HCN2: variants seen among roughly 807,000 people sequenced by gnomAD.
HCN2 encodes the protein potassium/sodium hyperpolarization-activated cyclic nucleotide-gated channel 2.
HCN2 carries 20 observed loss-of-function variants against 52.3 expected under a neutral mutation model. The observed-to-expected ratio is 0.38, with a 90% CI of 0.27 to 0.56. HCN2 has a LOEUF of 0.56. Among genes scored for constraint, HCN2 ranks in the 20% least tolerant of loss-of-function variants. The pLI, the probability that HCN2 is intolerant of heterozygous loss-of-function variation, is 0.71. For missense variants in HCN2, 981 were observed against 1,207.7 expected (o/e 0.81, Z 2.78); for synonymous variants, 694 against 537.0 (o/e 1.29, Z -4.04).
intron 4 of HCN2, among the ~76,000 whole-genome samples, chr19:608,849 C>A (rs1430617738): frequency 6.6e-6 from 1 of 152,160 alleles, no homozygotes; most frequent in African/African-American, 2.4e-5. Flanking sequence ...GCAAGGCTGC[C>A]CCACTGCTCA....
At chr19:608,203 G>T in intron 4 of HCN2, 21 bp downstream of exon 4, 1 of 1,606,824 alleles carries the variant, frequency 6.2e-7, no homozygotes, top group South Asian at 1.1e-5. Flanking sequence ...GGCGGGCCCC[G>T]GCCTGGGTTC....
chr19:616,769 G>A lies in HCN2; in HGVS notation c.*295G>A, dbSNP rs1239145216. On this transcript the variant is annotated 3_prime_UTR_variant, in exon 8 of 8. Transcript: ENST00000251287. ...TCAGTTCCCCCAGCTGTAAGACAGG[G>A]ACGGGGCGGCCCAGTGGCTGAGAGG... 4 of 207,916 alleles carry A rather than the reference G, an allele frequency of 1.9e-5. No homozygotes were observed. Among genetic ancestry groups the A allele is most frequent in the Admixed American group, 5.5e-5 (1 of 18,246 alleles). The allele number at this position is 207,916 out of a possible 1,614,324, so 12.9% of individuals were successfully genotyped here.
At chr19:604,390 C>G (rs1024475096) in intron 2 of HCN2, among the ~76,000 whole-genome samples, 1 of 143,170 alleles carries the variant, frequency 7.0e-6, no homozygotes, top group Non-Finnish European at 1.5e-5. Flanking sequence ...AGAGCCAAGA[C>G]AGCAGGGGTG....
rs372463895 is a variant in HCN2 at position 605,269 on chromosome 19, C to T, written c.1218+47C>T. On this transcript the variant is annotated intron_variant, in intron 3 of 7. Coordinates refer to ENST00000251287, the MANE Select transcript of HCN2 (RefSeq NM_001194.4). ...GGAGGGGGAGACGCAGGCTCCCATA[C>T]AGAGGGGGGACCCAGGCCCCCTTAT... 2.5e-4 allele frequency: 404 copies of T among 1,588,656 alleles called. 6 individuals carry two copies. The highest frequency in any genetic ancestry group is 3.4e-4 in the Non-Finnish European group (391 of 1,164,734).
rs778913100 is a variant in HCN2 at position 615,930 on chromosome 19, A to G, written c.2126A>G (p.Gln709Arg). 1.9e-6 allele frequency: 3 copies of G among 1,611,154 alleles called. No individual in the cohort carries two copies. Among genetic ancestry groups the G allele is most frequent in the African/African-American group, 2.7e-5 (2 of 75,016 alleles). Residue 709 changes from glutamine to arginine, a missense_variant, in exon 8 of 8, where the codon CAG (glutamine) becomes CGG (arginine). Around this residue, in one of 6 missense-constraint regions of HCN2, gnomAD observed 368 missense variants for 314.8 expected, o/e 1.17. Coordinates refer to ENST00000251287, the MANE Select transcript of HCN2 (RefSeq NM_001194.4). ...ATGGTGCAGCAGGCCGAGCTGGGTC[A>G]GCGCGTGGGCCTCTTCCCGCCGCCG... ...REMVQQAELG[Q>R]RVGLFPPPPP...
Position 615,884 on chromosome 19 carries a change from ATCG to A in HCN2, c.2083_2085del (p.Val695del), listed in dbSNP as rs1368265811. The stretch of plus-strand genomic sequence containing the variant: ...CCAGGAGAACGCCATCATCCAGGAG[ATCG>A]TCAAGTACGACCGCGAGATGGTGCA... On this transcript the variant is annotated inframe_deletion, in exon 8 of 8. Coordinates refer to ENST00000251287, the MANE Select transcript of HCN2 (RefSeq NM_001194.4). The A allele has an allele frequency of 1.9e-6, 3 of 1,612,776 alleles. No homozygotes were observed. Among genetic ancestry groups the A allele is most frequent in the East Asian group, 2.2e-5 (1 of 44,868 alleles).
chr19:615,716 C>A, intron 7 of HCN2, 79 bp from the exon 8 acceptor site: 8 of 1,413,456 alleles, frequency 5.7e-6, no homozygotes, highest in Non-Finnish European at 8.0e-6. Flanking sequence ...TGCGCACCCG[C>A]GGTGCAGAGT....
At chr19:597,754 CTGGTGGTTTCTAGGTCCCCCT>C (rs1476146132) in intron 1 of HCN2, among the ~76,000 whole-genome samples, 1 of 135,660 alleles carries the variant, frequency 7.4e-6, no homozygotes, top group African/African-American at 2.8e-5. Flanking sequence ...CTAGGTCCTC[CTGGTGGTTTCTAGGTCCCCCT>C]TGGTGGTTTC....
rs1312854340 is a variant in HCN2, at chr19:617,073, A to G, written c.*599A>G. On this transcript the variant is annotated 3_prime_UTR_variant, in exon 8 of 8. Transcript: ENST00000251287. ...CCGTGATGAATGTACTGACGAGCCG[A>G]GGCAGCAGTGCCCCCACCGTGGCCC... is the stretch of plus-strand genomic sequence containing the variant. 7 of 586,704 alleles carry G rather than the reference A, an allele frequency of 1.2e-5. No homozygotes were observed. Among genetic ancestry groups the G allele is most frequent in the Non-Finnish European group, 2.1e-5 (7 of 328,274 alleles). 36.3% of individuals were successfully genotyped at this position (586,704 alleles called of 1,614,324 possible). A position where few individuals can be genotyped will look rare whatever the true frequency, so the allele number is the denominator to read the frequency against.
chr19:613,205 G>GT, intron 5 of HCN2, 43 bp from the exon 6 acceptor site: 1 of 1,569,168 alleles, frequency 6.4e-7, no homozygotes, highest in African/African-American at 1.4e-5. Context: ...GGGGAAGCGG[G>GT]AGTGGGGTCC....
rs1168821999 is a variant in HCN2 at position 590,842 on chromosome 19, G to C, written c.632+265G>C. 8.1e-6 allele frequency: 2 copies of C among 246,466 alleles called. No homozygotes were observed. The highest frequency in any genetic ancestry group is 4.5e-5 in the African/African-American group (2 of 43,984). 15.3% of individuals were successfully genotyped at this position (246,466 alleles called of 1,614,324 possible). On this transcript the variant is annotated intron_variant, in intron 1 of 7. Transcript: ENST00000251287. The surrounding 1 kb of genome is among the most constrained non-coding windows in gnomAD (Gnocchi z 7.2). ...TCCTCCGCCCTGCGGCGCGGCGGGT[G>C]GGGTGGGCCGCAGGGCCAGGGTCTG...
intron 1 of HCN2, among the ~76,000 whole-genome samples, chr19:602,071 T>C (rs1482634950): frequency 3.5e-5 from 5 of 144,326 alleles, no homozygotes; most frequent in Non-Finnish European, 6.0e-5. Context: ...TTGGCTTCCC[T>C]CCCTCCTGTG....
At chr19:610,201 C>T in intron 4 of HCN2, 58 bp from the exon 5 acceptor site, 1 of 1,578,238 alleles carries the variant, frequency 6.3e-7, no homozygotes. Flanking sequence ...AGCAGGTGCC[C>T]CTGTGCCCGC....
intron 1 of HCN2, among the ~76,000 whole-genome samples, chr19:601,558 C>G (rs1214428174): frequency 1.3e-5 from 2 of 151,966 alleles, no homozygotes; most frequent in Non-Finnish European, 2.9e-5. Context: ...CTGGTGTGAA[C>G]ACGGTGGGGT....
chr19:611,459 G>A (rs1315451783), intron 5 of HCN2, among the ~76,000 whole-genome samples: 1 of 152,192 alleles, frequency 6.6e-6, no homozygotes, highest in Non-Finnish European at 1.5e-5. Flanking sequence ...AGGGGCTGGA[G>A]GAGCTGGGCG....
intron 1 of HCN2, among the ~76,000 whole-genome samples, chr19:601,569 G>A (rs1301039322): frequency 6.6e-6 from 1 of 152,092 alleles, no homozygotes; most frequent in Non-Finnish European, 1.5e-5. Flanking sequence ...ACGGTGGGGT[G>A]GTTGTCGTCC....
rs369420875 is a variant in HCN2 at position 615,889 on chromosome 19, C to T, written c.2085C>T (p.Val695=). Residue 695 remains valine (V), a synonymous_variant, in exon 8 of 8, where the codon GTC becomes GTT. Transcript: ENST00000251287. ...NQENAIIQEI[V]KYDREMVQQA... ...AGAACGCCATCATCCAGGAGATCGTCAAGTACGACCGCGAGATGGTGCAGC... is the reference window on the plus strand; with the variant it reads ...AGAACGCCATCATCCAGGAGATCGTTAAGTACGACCGCGAGATGGTGCAGC... 1 of 1,612,862 alleles carries T rather than the reference C, an allele frequency of 6.2e-7. No homozygotes were observed. Among genetic ancestry groups the T allele is most frequent in the South Asian group, 1.1e-5 (1 of 91,054 alleles).
intron 1 of HCN2, among the ~76,000 whole-genome samples, chr19:596,694 G>T (rs1983040973): frequency 6.6e-6 from 1 of 152,210 alleles, no homozygotes; most frequent in Non-Finnish European, 1.5e-5. Context: ...GCCCGCCTGG[G>T]TCCCTATGGT....
In HCN2 at chr19:613,944, G is replaced by A. The variant is rs749638175; in HGVS notation, c.1918G>A (p.Glu640Lys). ...LYSLSVDNFN[E>K]VLEEYPMMRR... ...TTCGCTGAGCGTGGACAACTTCAAC[G>A]AGGTGCTGGAGGAGTACCCCATGAT... Residue 640 changes from glutamate to lysine, a missense_variant, in exon 7 of 8, where the codon GAG becomes AAG. By Grantham distance (56) the Glu-to-Lys change is moderately conservative. Coordinates refer to ENST00000251287, the MANE Select transcript of HCN2 (RefSeq NM_001194.4). 2 of 1,530,994 alleles carry A rather than the reference G, an allele frequency of 1.3e-6. No individual in the cohort carries two copies. Among genetic ancestry groups the A allele is most frequent in the Non-Finnish European group, 1.8e-6 (2 of 1,133,160 alleles). The allele number at this position is 1,530,994 out of a possible 1,614,324, so 94.8% of individuals were successfully genotyped here.
Sources: gnomAD v4.1 joint callset for allele counts (sites outside exome capture counted in the v4.1 genomes callset) on GRCh38, gnomAD v4.1.1 for gene constraint, gnomAD v4.1.1 regional missense constraint, Gnocchi (gnomAD v3.1) non-coding constraint, MANE v1.5 for transcripts, NCBI Gene and HGNC (gene_info 2026-07-23, HGNC 2026-07-21) for gene names.